ASXL2: variants seen among roughly 807,000 people sequenced by gnomAD.
ASXL2 encodes putative Polycomb group protein ASXL2.
ASXL2 carries 23 observed loss-of-function variants against 122.0 expected under a neutral mutation model. The ratio of observed to expected loss-of-function variants is 0.19; its 90% CI spans 0.14 to 0.27. ASXL2 has a LOEUF of 0.27. Among genes scored for constraint, ASXL2 ranks in the 10% least tolerant of loss-of-function variants. The pLI is 1.00. For synonymous variants in ASXL2, 650 were observed against 637.0 expected, an observed-to-expected ratio of 1.02 and a Z score of -0.31; for missense variants, 1,518 against 1,713.8, an observed-to-expected ratio of 0.89 and a Z score of 2.02.
rs1163456036 is a variant in ASXL2 at position 25,736,257 on chromosome 2, C to A, written c.*5772G>T. The A allele has an allele frequency of 6.6e-6, 1 of 152,138 alleles. No individual in the cohort carries two copies. The highest frequency in any genetic ancestry group is 1.5e-5 in the Non-Finnish European group (1 of 68,040). 9.4% of individuals were successfully genotyped at this position (152,138 alleles called of 1,614,324 possible). ...GCTGCCTTGTCTTCTGGTATGTTGC[C>A]TTCTCCCTCAGCTGCAGACCAACTC... is the stretch of plus-strand genomic sequence containing the variant. On this transcript the variant is annotated 3_prime_UTR_variant, in exon 13 of 13. Transcript: ENST00000435504.
chr2:25,860,327 T>A (rs13428780), intron 1 of ASXL2, among the ~76,000 whole-genome samples: 3 of 148,206 alleles, frequency 2.0e-5, no homozygotes, highest in Non-Finnish European at 4.5e-5. Context: ...TAAAAAAAAA[T>A]GGAAACAAAA....
intron 4 of ASXL2, among the ~76,000 whole-genome samples, chr2:25,803,268 T>A (rs1047484673): frequency 1.3e-5 from 2 of 152,352 alleles, no homozygotes; most frequent in African/African-American, 4.8e-5. Flanking sequence ...AAGCATCTTA[T>A]CCATCTGGCC....
At chr2:25,762,665 GAAAAAAAAA>G (rs60065368) in intron 8 of ASXL2, among the ~76,000 whole-genome samples, 35 of 34,258 alleles carry the variant, frequency 1.0e-3, no homozygotes, top group Non-Finnish European at 1.2e-3. Context: ...ACTCTTTCTC[GAAAAAAAAA>G]AAAAAAAAAA....
intron 3 of ASXL2, among the ~76,000 whole-genome samples, chr2:25,827,734 G>C (rs563895498): frequency 1.3e-5 from 2 of 152,204 alleles, no homozygotes; most frequent in Admixed American, 1.3e-4. Flanking sequence ...GGGTGTGTAG[G>C]AAAACTTTTA....
chr2:25,820,707 C>T (rs1559520509), intron 3 of ASXL2, among the ~76,000 whole-genome samples: 3 of 152,078 alleles, frequency 2.0e-5, no homozygotes, highest in Non-Finnish European at 4.4e-5. Context: ...TTACTTAAAA[C>T]CATTGAACTG....
At chr2:25,757,435 G>A (rs1386343076) in intron 9 of ASXL2, among the ~76,000 whole-genome samples, 3 of 146,510 alleles carry the variant, frequency 2.0e-5, no homozygotes, top group African/African-American at 5.1e-5. Flanking sequence ...TCAGGAGATC[G>A]AAAGCACCCT....
intron 12 of ASXL2, among the ~76,000 whole-genome samples, chr2:25,748,069 T>C (rs1263926045): frequency 6.6e-6 from 1 of 151,982 alleles, no homozygotes; most frequent in African/African-American, 2.4e-5. Flanking sequence ...TCCTAGCTAC[T>C]TGGGAGGCTG....
Position 25,759,724 on chromosome 2 carries a change from TAA to T in ASXL2, c.776-81_776-80del, listed in dbSNP as rs2088207740. ...ATAAACTGTAGCTTTCTGTGCAGTA[TAA>T]AAAATCCACAATTGTAAGCATTTAA... On this transcript the variant is annotated intron_variant, in intron 8 of 12. Transcript: ENST00000435504. 25 of 1,413,632 alleles carry T rather than the reference TAA, an allele frequency of 1.8e-5. 1 individual carries two copies. In the South Asian group the frequency reaches 3.6e-4, roughly 20 times the overall value. The allele number at this position is 1,413,632 out of a possible 1,614,324, so 87.6% of individuals were successfully genotyped here.
intron 1 of ASXL2, chr2:25,856,633 T>C (rs2089782396): frequency 4.8e-6 from 6 of 1,247,810 alleles, no homozygotes; most frequent in Middle Eastern, 1.9e-4. Flanking sequence ...GCAATGAAAA[T>C]GTCCTCAGTC....
intron 4 of ASXL2, among the ~76,000 whole-genome samples, chr2:25,805,482 C>G (rs1472858388): frequency 6.6e-6 from 1 of 151,574 alleles, no homozygotes; most frequent in Non-Finnish European, 1.5e-5. Flanking sequence ...TCTTTTTGTA[C>G]TTATCTAACA....
At chr2:25,855,158 T>A (rs2089761811) in intron 1 of ASXL2, among the ~76,000 whole-genome samples, 1 of 152,160 alleles carries the variant, frequency 6.6e-6, no homozygotes, top group Non-Finnish European at 1.5e-5. Context: ...ATTTTTAAAC[T>A]GGTAATATTA....
chr2:25,807,886 G>T (rs1056519706), intron 3 of ASXL2, among the ~76,000 whole-genome samples: 2 of 151,924 alleles, frequency 1.3e-5, no homozygotes, highest in Admixed American at 1.3e-4. Flanking sequence ...AAAATTTCCT[G>T]TGAAACAACT....
At position 25,868,226 on chromosome 2, in the gene ASXL2, A is replaced by G. The variant is rs2271665; in HGVS notation, c.57+9940T>C. On this transcript the variant is annotated intron_variant, in intron 1 of 12. Coordinates refer to ENST00000435504, the MANE Select transcript of ASXL2 (RefSeq NM_018263.6). ...CATTTAGAAATAAGTAACTAACACC[A>G]TTGAACACTTATTTGAAATTCAATA... 1.9e-3 allele frequency among the ~76,000 whole-genome samples: 292 copies of G among 152,390 alleles called. 4 individuals carry two copies. The highest frequency in any genetic ancestry group is 0.017 in the East Asian group (87 of 5,194).
Position 25,767,704 on chromosome 2 carries a change from A to G in ASXL2, c.654T>C (p.Ser218=), listed in dbSNP as rs767707661. 6.2e-7 allele frequency: 1 copy of G among 1,613,978 alleles called. No homozygotes were observed. Among genetic ancestry groups the G allele is most frequent in the South Asian group, 1.1e-5 (1 of 91,084 alleles). ...TTTGAGGGCTGCCTGTCTGTCCATCAGATTGCTTTCCTTCCCATGTTGCTA... is the reference window on the plus strand; with the variant it reads ...TTTGAGGGCTGCCTGTCTGTCCATCGGATTGCTTTCCTTCCCATGTTGCTA... ...AKPATWEGKQ[S]DGQTGSPQNS... is the part of the protein sequence containing the mutation. Residue 218 remains serine (S), a synonymous_variant, in exon 8 of 13, where the codon TCT becomes TCC. Coordinates refer to ENST00000435504, the MANE Select transcript of ASXL2 (RefSeq NM_018263.6).
intron 8 of ASXL2, among the ~76,000 whole-genome samples, chr2:25,766,111 A>C (rs142517421): frequency 6.6e-6 from 1 of 152,134 alleles, no homozygotes; most frequent in Non-Finnish European, 1.5e-5. Context: ...GCACTGCTGC[A>C]CTTTTAGTTT....
At chr2:25,875,016 G>A (rs1235013698) in intron 1 of ASXL2, among the ~76,000 whole-genome samples, 8 of 152,312 alleles carry the variant, frequency 5.3e-5, no homozygotes, top group Admixed American at 5.2e-4. Context: ...GGTTGGCTGA[G>A]TTGCCATGAG....
At chr2:25,827,955 A>G (rs1427480429) in intron 3 of ASXL2, among the ~76,000 whole-genome samples, 1 of 152,144 alleles carries the variant, frequency 6.6e-6, no homozygotes, top group African/African-American at 2.4e-5. Context: ...TCACTCTATC[A>G]TCCCATTATT....
In ASXL2 at chr2:25,741,674, TTAAACTTTTCTCA is replaced by T. The variant is rs1341482992; in HGVS notation, c.*342_*354del. The T allele has an allele frequency of 3.8e-6, 1 of 261,082 alleles. No individual in the cohort carries two copies. Among genetic ancestry groups the T allele is most frequent in the East Asian group, 5.6e-5 (1 of 18,010 alleles). 16.2% of individuals were successfully genotyped at this position (261,082 alleles called of 1,614,324 possible). ...ACAGCTTCCTTTTACCATGCCGGCA[TTAAACTTTTCTCA>T]GTCACAAGTAGTAGAACATTAATCT... On this transcript the variant is annotated 3_prime_UTR_variant, in exon 13 of 13. Coordinates refer to ENST00000435504, the MANE Select transcript of ASXL2 (RefSeq NM_018263.6).
chr2:25,827,929 A>T (rs571763695), intron 3 of ASXL2, among the ~76,000 whole-genome samples: 156 of 152,152 alleles, frequency 1.0e-3, no homozygotes, highest in Non-Finnish European at 1.7e-3. Context: ...TACCGTTAAC[A>T]CCTAACTATA....
Sources: gnomAD v4.1 joint callset for allele counts (sites outside exome capture counted in the v4.1 genomes callset) on GRCh38, gnomAD v4.1.1 for gene constraint, MANE v1.5 for transcripts, NCBI Gene and HGNC (gene_info 2026-07-23, HGNC 2026-07-21) for gene names.